Variants in IL1RAPL2 observed in about 807,000 individuals in gnomAD.
IL1RAPL2 encodes the protein X-linked interleukin-1 receptor accessory protein-like 2.
A neutral mutation model predicts 44.1 loss-of-function variants in IL1RAPL2; 3 were observed. The ratio of observed to expected loss-of-function variants is 0.07; its 90% confidence interval spans 0.03 to 0.18. IL1RAPL2 has a LOEUF of 0.18. Among genes scored for constraint, IL1RAPL2 ranks in the 10% least tolerant of loss-of-function variants. The pLI, the probability that IL1RAPL2 is intolerant of heterozygous loss-of-function variation, is 1.00. For synonymous variants in IL1RAPL2, 181 were observed against 178.8 expected (o/e 1.01, Z -0.10); for missense variants, 391 against 496.4 (o/e 0.79, Z 2.02).
At position 104,591,381 on chromosome X, in the gene IL1RAPL2, G is replaced by A. The variant is rs1045424916; in HGVS notation, c.-20+24330G>A. Among the ~76,000 whole-genome samples, 7 of 111,549 alleles carry A rather than the reference G, an allele frequency of 6.3e-5. No individual in the cohort carries two copies. In the Admixed American group the frequency reaches 6.7e-4, roughly 11 times the overall value. ...GTGGATTTCCATGCCCCGCTAGCATGCATGTGTAATATACTATAGCCTATC... is the reference window on the plus strand; with the variant it reads ...GTGGATTTCCATGCCCCGCTAGCATACATGTGTAATATACTATAGCCTATC... On this transcript the variant is annotated intron_variant, in intron 1 of 10. Coordinates refer to ENST00000372582, the MANE Select transcript of IL1RAPL2 (RefSeq NM_017416.2).
chrX:104,898,571 C>T (rs958660726), intron 2 of IL1RAPL2, among the ~76,000 whole-genome samples: 1 of 112,828 alleles, frequency 8.9e-6, no homozygotes, highest in Non-Finnish European at 1.9e-5. Context: ...TCAGCCTTCA[C>T]TGATATCTCC....
At chrX:105,195,426 G>A (rs1556140219) in intron 2 of IL1RAPL2, 49 bp from the exon 3 acceptor site, 4 of 1,149,839 alleles carry the variant, frequency 3.5e-6, no homozygotes, top group Non-Finnish European at 4.7e-6. Flanking sequence ...CACACTATTA[G>A]TGTCAACAAT....
At chrX:104,997,844 AAG>A (rs1189528585) in intron 2 of IL1RAPL2, among the ~76,000 whole-genome samples, 1 of 111,760 alleles carries the variant, frequency 8.9e-6, no homozygotes, top group Non-Finnish European at 1.9e-5. Flanking sequence ...GGTAGAAATC[AAG>A]AGTTCTGTTT....
At chrX:104,877,359 G>A (rs993813590) in intron 2 of IL1RAPL2, among the ~76,000 whole-genome samples, 3 of 111,206 alleles carry the variant, frequency 2.7e-5, no homozygotes, top group African/African-American at 6.5e-5. Flanking sequence ...GTGTAAAAGT[G>A]TTCCTATTTC....
At chrX:104,765,400 G>A (rs1026837921) in intron 2 of IL1RAPL2, among the ~76,000 whole-genome samples, 1 of 111,665 alleles carries the variant, frequency 9.0e-6, no homozygotes, top group African/African-American at 3.3e-5. Context: ...ATATCCTGCT[G>A]AGCTTTTGTC....
chrX:105,014,505 C>T (rs1490818625), intron 2 of IL1RAPL2, among the ~76,000 whole-genome samples: 1 of 110,934 alleles, frequency 9.0e-6, no homozygotes, highest in Non-Finnish European at 1.9e-5. Context: ...TGATGTTCCC[C>T]TCTCTGTGTC....
chrX:105,405,769 A>G (rs1489943636), intron 5 of IL1RAPL2: 1 of 1,041,193 alleles, frequency 9.6e-7, no homozygotes, highest in Non-Finnish European at 1.3e-6. Flanking sequence ...CATTCAAGAA[A>G]TATTTATCAA....
rs59230040 is a variant in IL1RAPL2, at chrX:104,904,225, TTATA to T, written c.82+245246_82+245249del. Among the ~76,000 whole-genome samples the T allele has an allele frequency of 1.6e-3, 165 of 104,529 alleles. 1 individual carries two copies. Among genetic ancestry groups the T allele is most frequent in the African/African-American group, 5.3e-3 (151 of 28,596 alleles). 90.8% of individuals were successfully genotyped at this position (104,529 alleles called of 115,157 possible). On this transcript the variant is annotated intron_variant, in intron 2 of 10. Transcript: ENST00000372582. ...TAACATGGAAAGTACTTATCTTCTT[TTATA>T]TATATATATATATATGCATACACAC...
intron 4 of IL1RAPL2, among the ~76,000 whole-genome samples, chrX:105,260,533 A>G (rs927787147): frequency 8.9e-5 from 10 of 111,957 alleles, no homozygotes; most frequent in Non-Finnish European, 5.6e-5. Context: ...CCAAACAGCA[A>G]CGATGGTGGC....
intron 3 of IL1RAPL2, among the ~76,000 whole-genome samples, chrX:105,232,963 A>G (rs1438808478): frequency 8.9e-6 from 1 of 111,910 alleles, no homozygotes; most frequent in Non-Finnish European, 1.9e-5. Context: ...CCAAAATTCA[A>G]CACCTGGCAC....
chrX:105,365,244 T>C (rs1043606166), intron 5 of IL1RAPL2, among the ~76,000 whole-genome samples: 47 of 111,985 alleles, frequency 4.2e-4, no homozygotes, highest in African/African-American at 1.4e-3. Context: ...ATTCTTAGGA[T>C]AGATCCTGCT....
intron 1 of IL1RAPL2, among the ~76,000 whole-genome samples, chrX:104,650,975 A>G (rs1195856661): frequency 8.9e-6 from 1 of 111,936 alleles, no homozygotes; most frequent in African/African-American, 3.2e-5. Flanking sequence ...AATGGAGATT[A>G]TAGTAACTCA....
chrX:105,209,733 T>C (rs114506860), intron 3 of IL1RAPL2, among the ~76,000 whole-genome samples: 3,232 of 111,925 alleles, frequency 0.029, 108 homozygotes, highest in African/African-American at 0.099. Flanking sequence ...AAAAAAACTT[T>C]AATAGGCATA....
At chrX:104,972,838 T>C (rs2030261666) in intron 2 of IL1RAPL2, among the ~76,000 whole-genome samples, 1 of 111,980 alleles carries the variant, frequency 8.9e-6, no homozygotes, top group Admixed American at 9.5e-5. Flanking sequence ...TTTCCACCCA[T>C]GGCATCATGT....
Position 104,908,238 on chromosome X carries a change from A to G in IL1RAPL2, c.82+249243A>G, listed in dbSNP as rs58878319. 5.8e-3 allele frequency among the ~76,000 whole-genome samples: 649 copies of G among 111,830 alleles called. 3 individuals carry two copies. The highest frequency in any genetic ancestry group is 0.02 in the African/African-American group (612 of 30,735). ...GGTTTCCTGAATACAGCACACTGAT[A>G]GATCTTGACTCTTTATCCAATTTGT... On this transcript the variant is annotated intron_variant, in intron 2 of 10. Transcript: ENST00000372582.
intron 3 of IL1RAPL2, among the ~76,000 whole-genome samples, chrX:105,196,342 T>C (rs781950966): frequency 1.6e-4 from 18 of 111,644 alleles, no homozygotes; most frequent in Non-Finnish European, 2.8e-4. Flanking sequence ...ACTCCACCCC[T>C]GCCGCATGGT....
At chrX:105,511,301 G>A (rs771438930) in intron 6 of IL1RAPL2, among the ~76,000 whole-genome samples, 2 of 111,660 alleles carry the variant, frequency 1.8e-5, no homozygotes, top group South Asian at 7.5e-4. Flanking sequence ...TCATAAGTAT[G>A]AATAATGTCT....
chrX:105,728,929 AG>A (rs780553169), intron 7 of IL1RAPL2, among the ~76,000 whole-genome samples: 36 of 110,866 alleles, frequency 3.2e-4, no homozygotes, highest in Non-Finnish European at 5.9e-4. Flanking sequence ...TAGTCTTTAT[AG>A]TCTTTATAGT....
intron 1 of IL1RAPL2, among the ~76,000 whole-genome samples, chrX:104,632,323 G>T (rs1223818065): frequency 9.0e-6 from 1 of 111,133 alleles, no homozygotes; most frequent in African/African-American, 3.3e-5. Context: ...TTGGCGATGC[G>T]GGCTCTTTTT....
Sources: gnomAD v4.1 joint callset for allele counts (sites outside exome capture counted in the v4.1 genomes callset) on GRCh38, gnomAD v4.1.1 for gene constraint, MANE v1.5 for transcripts, NCBI Gene and HGNC (gene_info 2026-07-23, HGNC 2026-07-21) for gene names.